Variants in CAPN14 observed in about 807,000 individuals in gnomAD.
CAPN14 encodes the protein calpain-14.
Under a neutral mutation model 101.3 loss-of-function variants are expected in CAPN14, and 94 were observed. That is an observed-to-expected ratio of 0.93 (90% confidence interval 0.79 to 1.10). The LOEUF is 1.10. Ranked by LOEUF, CAPN14 falls within the 50% of genes least tolerant of loss-of-function variation. CAPN14 has a pLI of 0.00. For synonymous variants in CAPN14, 338 were observed against 317.9 expected, an observed-to-expected ratio of 1.06 and a Z score of -0.67; for missense variants, 837 against 828.4, an observed-to-expected ratio of 1.01 and a Z score of -0.13.
At chr2:31,218,869 T>C (rs1242539966), upstream of CAPN14, among the ~76,000 whole-genome samples, 2 of 152,196 alleles carry the variant, frequency 1.3e-5, no homozygotes, top group Non-Finnish European at 2.9e-5. Flanking sequence ...CTTTGGAGCC[T>C]TCCCCCTGCC....
At chr2:31,207,189 C>G (rs1281295378) in intron 1 of CAPN14, among the ~76,000 whole-genome samples, 1 of 152,148 alleles carries the variant, frequency 6.6e-6, no homozygotes, top group Non-Finnish European at 1.5e-5. Context: ...TAGGAGTGAC[C>G]TGGGGTCCTC....
At chr2:31,203,252 G>A (rs1558628021) in intron 2 of CAPN14, 113 bp from the exon 3 acceptor site, 2 of 752,482 alleles carry the variant, frequency 2.7e-6, no homozygotes, top group Non-Finnish European at 4.6e-6. Context: ...CAAAGATACA[G>A]AATATAGGTG....
chr2:31,209,693 C>T (rs896014785), intron 1 of CAPN14, among the ~76,000 whole-genome samples: 7 of 152,194 alleles, frequency 4.6e-5, no homozygotes, highest in African/African-American at 1.4e-4. Context: ...TCAAAATTTA[C>T]TCCTTCAGGT....
At chr2:31,177,291 TTTAA>T (rs1249032134) in intron 19 of CAPN14, 149 bp from the exon 20 acceptor site, 2 of 594,486 alleles carry the variant, frequency 3.4e-6, no homozygotes, top group South Asian at 2.0e-5. Flanking sequence ...TTTTGAATGG[TTTAA>T]TTGTTTAACC....
chr2:31,213,826 G>T, intron 1 of CAPN14, among the ~76,000 whole-genome samples: 1 of 152,166 alleles, frequency 6.6e-6, no homozygotes, highest in South Asian at 2.1e-4. Flanking sequence ...TGGTTCTGTG[G>T]TTACTGATTA....
intron 1 of CAPN14, 99 bp from the exon 2 acceptor site, chr2:31,205,598 A>G (rs1306078915): frequency 1.5e-6 from 1 of 685,166 alleles, no homozygotes. Flanking sequence ...GGAGCGGAGA[A>G]GTCAGCTGGT....
At chr2:31,208,573 G>A (rs546900238) in intron 1 of CAPN14, among the ~76,000 whole-genome samples, 21 of 152,292 alleles carry the variant, frequency 1.4e-4, no homozygotes, top group East Asian at 1.2e-3. Context: ...ACATGTGTGC[G>A]TGCACACACA....
At chr2:31,200,654 G>C (rs1224305279) in intron 5 of CAPN14, 29 bp from the exon 6 acceptor site, 2 of 1,507,874 alleles carry the variant, frequency 1.3e-6, no homozygotes. Flanking sequence ...AACATGAGAG[G>C]AAAAAAGTAT....
Position 31,230,216 on chromosome 2 carries a change from A to T in CAPN14, c.-176-3565T>A, listed in dbSNP as rs1013788851. 1.9e-4 allele frequency among the ~76,000 whole-genome samples: 29 copies of T among 152,174 alleles called. No homozygotes were observed. Among genetic ancestry groups the T allele is most frequent in the African/African-American group, 6.8e-4 (28 of 41,442 alleles). ...ACCCTCAACTAGACCCCAGTGTGGT[A>T]TATATTTTATATGAATGTGGCACAT... On this transcript the variant is annotated intron_variant and NMD_transcript_variant, in intron 1 of 21. Transcript: ENST00000398824. This position sits in a 1 kb window ranked among gnomAD's most constrained non-coding sequence, Gnocchi z 4.3.
chr2:31,195,275 A>G (rs776468215), intron 8 of CAPN14, among the ~76,000 whole-genome samples: 2 of 152,222 alleles, frequency 1.3e-5, no homozygotes, highest in Non-Finnish European at 2.9e-5. Flanking sequence ...CTGGACCGTA[A>G]GCAGGACACA....
At chr2:31,177,677 C>T (rs529732217) in intron 19 of CAPN14, 69 bp downstream of exon 19, 5 of 1,147,894 alleles carry the variant, frequency 4.4e-6, no homozygotes, top group Non-Finnish European at 2.6e-6. Flanking sequence ...CACACATCCC[C>T]TCTCCTCTGC....
At chr2:31,209,155 T>TC (rs1553397148) in intron 1 of CAPN14, among the ~76,000 whole-genome samples, 3 of 150,212 alleles carry the variant, frequency 2.0e-5, no homozygotes, top group Admixed American at 1.3e-4. Context: ...TTTTTTTTTT[T>TC]CTGGAGAGAT....
In CAPN14 at chr2:31,192,849, T is replaced by A. The variant is rs559350723; in HGVS notation, c.1114+282A>T. On this transcript the variant is annotated intron_variant, in intron 10 of 21. Transcript: ENST00000403897. Reference sequence around the variant, plus strand: ...CCTGCTTTTATCATGCCTGTGTGCCTGTGACCCCCGGTGCTGACTGCGACA... The same window carrying A: ...CCTGCTTTTATCATGCCTGTGTGCCAGTGACCCCCGGTGCTGACTGCGACA... Among the ~76,000 whole-genome samples, 258 of 152,306 alleles carry A rather than the reference T, an allele frequency of 1.7e-3. 1 individual carries two copies. The highest frequency in any genetic ancestry group is 6.0e-3 in the African/African-American group (248 of 41,570).
At chr2:31,195,468 C>T (rs948502519) in intron 8 of CAPN14, among the ~76,000 whole-genome samples, 2 of 152,224 alleles carry the variant, frequency 1.3e-5, no homozygotes, top group African/African-American at 2.4e-5. Flanking sequence ...TCCCAAACAG[C>T]TGGGATTACA....
chr2:31,216,736 C>G (rs900793385), intron 1 of CAPN14, among the ~76,000 whole-genome samples: 1 of 152,158 alleles, frequency 6.6e-6, no homozygotes, highest in African/African-American at 2.4e-5. Context: ...TGAGAGCCGA[C>G]TACCTCGCTC....
intron 6 of CAPN14, 130 bp from the exon 7 acceptor site, chr2:31,199,662 A>G: frequency 1.5e-6 from 1 of 685,216 alleles, no homozygotes; most frequent in Non-Finnish European, 2.5e-6. Flanking sequence ...GGTATGGTAC[A>G]TTGCAGTTTT....
Position 31,176,438 on chromosome 2 carries a change from GAAT to G in CAPN14, c.2028+146_2028+148del, listed in dbSNP as rs148620497. The G allele has an allele frequency of 2.6e-3, 1,678 of 643,918 alleles. 18 individuals carry two copies. In the African/African-American group the frequency reaches 0.027, roughly 10 times the overall value. The allele number at this position is 643,918 out of a possible 1,614,324, so 39.9% of individuals were successfully genotyped here. A position where few individuals can be genotyped will look rare whatever the true frequency, so the allele number is the denominator to read the frequency against. On this transcript the variant is annotated intron_variant, in intron 21 of 21. Coordinates refer to ENST00000403897, the MANE Select transcript of CAPN14 (RefSeq NM_001145122.2). ...ATATTTGATGGGTGAATGAATGAAT[GAAT>G]GAATGAGTGCAATGAATGTAGTGCT... is the stretch of plus-strand genomic sequence containing the variant.
chr2:31,183,179 A>G (rs1680737065), intron 16 of CAPN14, among the ~76,000 whole-genome samples: 2 of 151,858 alleles, frequency 1.3e-5, no homozygotes, highest in Admixed American at 1.3e-4. Context: ...TTATACAAAA[A>G]TTAATTCAAG....
At chr2:31,179,612 T>A (rs564745469) in intron 17 of CAPN14, among the ~76,000 whole-genome samples, 4 of 152,246 alleles carry the variant, frequency 2.6e-5, no homozygotes, top group African/African-American at 2.4e-5. Flanking sequence ...AGTCAAATGC[T>A]ATTTCTAGTT....
Sources: allele counts gnomAD v4.1 joint callset (sites outside exome capture counted in the v4.1 genomes callset), GRCh38; gene constraint gnomAD v4.1.1; non-coding constraint Gnocchi (gnomAD v3.1); transcripts MANE v1.5; gene names NCBI Gene and HGNC (gene_info 2026-07-23, HGNC 2026-07-21).